The following SPECC1 variants were observed in gnomAD, a reference collection of about 807,000 sequenced individuals.
SPECC1 encodes sperm antigen with calponin homology and coiled-coil domains 1, also known as cytospin-B.
In SPECC1, 62 loss-of-function variants were observed where a neutral mutation model predicts 104.1. The observed-to-expected ratio is 0.60, with a 90% CI of 0.49 to 0.74. SPECC1 has a LOEUF of 0.74. Among genes scored for constraint, SPECC1 ranks in the 30% least tolerant of loss-of-function variants. The pLI is 0.00. For missense variants in SPECC1, 1,306 were observed against 1,310.5 expected (o/e 1.00, Z 0.05); for synonymous variants, 513 against 501.6 (o/e 1.02, Z -0.30).
intron 1 of SPECC1, chr17:20,073,803 T>C (rs1405047742): frequency 6.6e-6 from 1 of 152,224 alleles, no homozygotes; most frequent in East Asian, 1.9e-4. Context: ...ACAGACCCAG[T>C]GGATCTTGGT....
chr17:20,095,654 G>C (rs1226905034), intron 1 of SPECC1: 2 of 152,292 alleles, frequency 1.3e-5, no homozygotes, highest in African/African-American at 4.8e-5. Context: ...TCCCCCGGGG[G>C]CAGTTAGTGA....
chr17:20,150,437 C>T lies in SPECC1; in HGVS notation c.283+39875C>T, dbSNP rs532366324. Among the ~76,000 whole-genome samples, 33 of 151,712 alleles carry T rather than the reference C, an allele frequency of 2.2e-4. No individual in the cohort carries two copies. The South Asian group carries it at 4.6e-3, about 21-fold the overall frequency. ...GGCAGATCACCTGAGGTCGGGAGTTCGAGACTAGCCTGACCAACATGGAGA... is the reference window on the plus strand; with the variant it reads ...GGCAGATCACCTGAGGTCGGGAGTTTGAGACTAGCCTGACCAACATGGAGA... On this transcript the variant is annotated intron_variant, in intron 3 of 14. Transcript: ENST00000395527.
At chr17:20,023,123 A>C (rs143435733) in intron 1 of SPECC1, among the ~76,000 whole-genome samples, 218 of 152,310 alleles carry the variant, frequency 1.4e-3, no homozygotes, top group Middle Eastern at 6.8e-3. Flanking sequence ...CTATAGAGTA[A>C]ATATTTTAGG....
chr17:20,063,143 C>G (rs2046249257), intron 1 of SPECC1, among the ~76,000 whole-genome samples: 1 of 152,194 alleles, frequency 6.6e-6, no homozygotes, highest in Non-Finnish European at 1.5e-5. Context: ...AAATGTTAGT[C>G]TGCAAGATGG....
chr17:20,144,471 G>A (rs1362114035), intron 3 of SPECC1, among the ~76,000 whole-genome samples: 1 of 151,992 alleles, frequency 6.6e-6, no homozygotes, highest in Non-Finnish European at 1.5e-5. Flanking sequence ...GATTGCAGGT[G>A]TGAGCCACTG....
At chr17:20,062,719 C>CA (rs2046230272) in intron 1 of SPECC1, among the ~76,000 whole-genome samples, 3 of 150,670 alleles carry the variant, frequency 2.0e-5, no homozygotes, top group African/African-American at 7.3e-5. Flanking sequence ...GATGTAGTCT[C>CA]AATCTGTCAC....
intron 2 of SPECC1, among the ~76,000 whole-genome samples, chr17:20,105,649 T>G (rs887701531): frequency 2.0e-5 from 3 of 152,168 alleles, no homozygotes; most frequent in Admixed American, 6.5e-5. Flanking sequence ...TTCCCCCCGG[T>G]CACTGCTACT....
intron 1 of SPECC1, among the ~76,000 whole-genome samples, chr17:20,063,650 AT>A (rs1474665628): frequency 6.6e-6 from 1 of 152,234 alleles, no homozygotes; most frequent in Non-Finnish European, 1.5e-5. Context: ...CAGGAAAACA[AT>A]TGTTGGCATC....
chr17:20,306,186 G>T, intron 14 of SPECC1, 104 bp downstream of exon 14: 1 of 1,096,182 alleles, frequency 9.1e-7, no homozygotes, highest in South Asian at 1.4e-5. Context: ...TCTGTTTGCC[G>T]AAAGTCTGTT....
intron 1 of SPECC1, among the ~76,000 whole-genome samples, chr17:20,020,160 G>T (rs1381272158): frequency 6.6e-6 from 1 of 152,128 alleles, no homozygotes; most frequent in Non-Finnish European, 1.5e-5. Flanking sequence ...GACATTACCT[G>T]TTTGAGTTGT....
chr17:20,061,370 C>T (rs1251037051), intron 1 of SPECC1, among the ~76,000 whole-genome samples: 1 of 152,200 alleles, frequency 6.6e-6, no homozygotes, highest in Non-Finnish European at 1.5e-5. Context: ...CCATACTTGG[C>T]CCATTTGTTT....
At chr17:20,047,195 T>G (rs557924502) in intron 1 of SPECC1, among the ~76,000 whole-genome samples, 2 of 152,354 alleles carry the variant, frequency 1.3e-5, no homozygotes, top group African/African-American at 4.8e-5. Flanking sequence ...TTCTTTCATG[T>G]CTTTCATGGC....
intron 12 of SPECC1, among the ~76,000 whole-genome samples, chr17:20,281,850 AGCAT>A (rs1250459679): frequency 6.6e-6 from 1 of 152,256 alleles, no homozygotes. Flanking sequence ...CAGAGGCCTG[AGCAT>A]GGTCCTAGGG....
intron 3 of SPECC1, among the ~76,000 whole-genome samples, chr17:20,171,991 G>A (rs564003052): frequency 6.6e-6 from 1 of 152,342 alleles, no homozygotes; most frequent in East Asian, 1.9e-4. Context: ...GTAGTATGCA[G>A]GTGTGGAGTT....
At chr17:20,098,004 G>A (rs1004602918) in intron 2 of SPECC1, among the ~76,000 whole-genome samples, 1 of 152,136 alleles carries the variant, frequency 6.6e-6, no homozygotes, top group Non-Finnish European at 1.5e-5. Context: ...TGTCCCCATT[G>A]AGAACCATTG....
chr17:20,199,353 C>T (rs4609909), intron 3 of SPECC1, among the ~76,000 whole-genome samples: 4 of 139,204 alleles, frequency 2.9e-5, no homozygotes, highest in Non-Finnish European at 6.1e-5. Flanking sequence ...TCCCAAAGTG[C>T]TGGAATTACA....
At chr17:20,069,995 C>T (rs1049445904) in intron 1 of SPECC1, among the ~76,000 whole-genome samples, 9 of 151,952 alleles carry the variant, frequency 5.9e-5, no homozygotes, top group African/African-American at 2.2e-4. Flanking sequence ...TTTATTAGCC[C>T]TAAGAGGTTT....
intron 3 of SPECC1, among the ~76,000 whole-genome samples, chr17:20,174,205 A>G (rs1169033061): frequency 6.6e-6 from 1 of 152,172 alleles, no homozygotes. Context: ...TGCTGTTTAC[A>G]TGCCTAAGCC....
At chr17:20,056,133 G>C (rs1003346785) in intron 1 of SPECC1, among the ~76,000 whole-genome samples, 1 of 152,198 alleles carries the variant, frequency 6.6e-6, no homozygotes, top group Admixed American at 6.5e-5. Context: ...AAAATACTTA[G>C]TTCTTCCAGT....
Sources: gnomAD v4.1 joint callset for allele counts (sites outside exome capture counted in the v4.1 genomes callset) on GRCh38, gnomAD v4.1.1 for gene constraint, MANE v1.5 for transcripts, NCBI Gene and HGNC (gene_info 2026-07-23, HGNC 2026-07-21) for gene names.